The following MED14 variants were observed in gnomAD, a reference collection of about 807,000 sequenced individuals.
The protein encoded by MED14 is mediator of RNA polymerase II transcription subunit 14.
A neutral mutation model predicts 109.0 loss-of-function variants in MED14; 8 were observed. That is an observed-to-expected ratio of 0.07 (90% confidence interval 0.04 to 0.13). MED14 has a LOEUF of 0.13. MED14 is among the 10% of genes least tolerant of loss of function. The probability of loss-of-function intolerance (pLI) is 1.00; values close to 1 mark genes in which losing one functional copy is unlikely to be tolerated. For synonymous variants in MED14, 399 were observed against 408.7 expected, an observed-to-expected ratio of 0.98 and a Z score of 0.29; for missense variants, 711 against 1,142.4, an observed-to-expected ratio of 0.62 and a Z score of 5.44.
chrX:40,711,090 C>A, intron 8 of MED14, 79 bp downstream of exon 8: 1 of 1,050,817 alleles, frequency 9.5e-7, no homozygotes, highest in Non-Finnish European at 1.3e-6. Flanking sequence ...TATATTAAAT[C>A]AGATGTATGA....
chrX:40,720,164 G>A lies in MED14; in HGVS notation c.349-5454C>T, dbSNP rs377145399. ...CCAACACCAGTCACCCCCTCTCCAG[G>A]AACACGAAATTTTTACTATCTGCAC... On this transcript the variant is annotated intron_variant, in intron 3 of 30. Transcript: ENST00000324817. Among the ~76,000 whole-genome samples the A allele has an allele frequency of 9.8e-5, 11 of 112,235 alleles. No homozygotes were observed. The East Asian group carries it at 2.8e-3, about 29-fold the overall frequency.
At chrX:40,728,735 G>T (rs1476693826) in intron 2 of MED14, among the ~76,000 whole-genome samples, 1 of 111,864 alleles carries the variant, frequency 8.9e-6, no homozygotes, top group Non-Finnish European at 1.9e-5. Flanking sequence ...TGTTAACTAT[G>T]TAACAGTAGG....
In MED14 at chrX:40,666,641, G is replaced by T. The variant is rs77881112; in HGVS notation, c.3265+79C>A. 31 of 1,021,793 alleles carry T rather than the reference G, an allele frequency of 3.0e-5. No homozygotes were observed. In the East Asian group the frequency reaches 9.8e-4, roughly 32 times the overall value. 84.2% of individuals were successfully genotyped at this position (1,021,793 alleles called of 1,213,427 possible). The stretch of plus-strand genomic sequence containing the variant: ...TCCTCAATAAACAAGTATTAATTTT[G>T]CAATGAAAAAATTTACTCAACAAAA... On this transcript the variant is annotated intron_variant, in intron 24 of 30. Transcript: ENST00000324817.
intron 30 of MED14, among the ~76,000 whole-genome samples, chrX:40,653,277 T>C (rs139781186): frequency 1.5e-4 from 17 of 111,554 alleles, no homozygotes; most frequent in African/African-American, 4.9e-4. Flanking sequence ...TATTTTTAGC[T>C]GAAAGAAGAG....
At chrX:40,707,746 CA>C (rs1346321151) in intron 10 of MED14, among the ~76,000 whole-genome samples, 1 of 111,360 alleles carries the variant, frequency 9.0e-6, no homozygotes, top group Non-Finnish European at 1.9e-5. Context: ...TAATGATTGC[CA>C]AAAGGGAGGC....
At chrX:40,710,178 CT>C in intron 8 of MED14, 49 bp from the exon 9 acceptor site, 1 of 896,958 alleles carries the variant, frequency 1.1e-6, no homozygotes, top group Non-Finnish European at 1.5e-6. Flanking sequence ...AGTCTGTTAA[CT>C]TCTAGAATAA....
intron 3 of MED14, among the ~76,000 whole-genome samples, chrX:40,721,720 A>G (rs1214927542): frequency 8.9e-6 from 1 of 112,710 alleles, no homozygotes; most frequent in Non-Finnish European, 1.9e-5. Flanking sequence ...TGCTGACTTC[A>G]GGTCTGAGCT....
intron 3 of MED14, among the ~76,000 whole-genome samples, chrX:40,720,182 A>G (rs969655941): frequency 8.0e-5 from 9 of 112,486 alleles, no homozygotes; most frequent in African/African-American, 2.9e-4. Flanking sequence ...AATTTTTACT[A>G]TCTGCACACA....
intron 1 of MED14, 134 bp from the exon 2 acceptor site, chrX:40,729,479 T>A: frequency 3.7e-6 from 2 of 546,860 alleles, no homozygotes; most frequent in Non-Finnish European, 5.7e-6. Flanking sequence ...CAGGCTCATG[T>A]AGCTACCTAC....
intron 3 of MED14, among the ~76,000 whole-genome samples, chrX:40,722,044 C>T: frequency 9.0e-6 from 1 of 111,256 alleles, no homozygotes; most frequent in Non-Finnish European, 1.9e-5. Flanking sequence ...AAATACCTAA[C>T]TCTTTGAGGC....
chrX:40,651,486 G>T lies in MED14; in HGVS notation c.*320C>A. On this transcript the variant is annotated 3_prime_UTR_variant, in exon 31 of 31. Coordinates refer to ENST00000324817, the MANE Select transcript of MED14 (RefSeq NM_004229.4). ...AAGGACTATTACACCCAAAACATAA[G>T]AAAACAATTAAATAAACAAGTTTGG... 3 of 795,046 alleles carry T rather than the reference G, an allele frequency of 3.8e-6. No individual in the cohort carries two copies. Among genetic ancestry groups the T allele is most frequent in the Non-Finnish European group, 4.5e-6 (3 of 662,718 alleles). 65.5% of individuals were successfully genotyped at this position (795,046 alleles called of 1,213,427 possible).
intron 26 of MED14, among the ~76,000 whole-genome samples, chrX:40,660,805 T>C (rs1929236289): frequency 8.8e-6 from 1 of 113,251 alleles, no homozygotes; most frequent in Non-Finnish European, 1.9e-5. Context: ...TTTCTTTCTT[T>C]TGAATGCTAA....
Position 40,651,526 on chromosome X carries a change from T to G in MED14, c.*280A>C. Reference sequence around the variant, plus strand: ...AACAAGTTTGGCATTTTCATAACTTTATAGTATAAAACAGAATATTAAATT... The same window carrying G: ...AACAAGTTTGGCATTTTCATAACTTGATAGTATAAAACAGAATATTAAATT... On this transcript the variant is annotated 3_prime_UTR_variant, in exon 31 of 31. Transcript: ENST00000324817. 1.2e-6 allele frequency: 1 copy of G among 842,171 alleles called. No homozygotes were observed. The allele number at this position is 842,171 out of a possible 1,213,427, so 69.4% of individuals were successfully genotyped here. A position where few individuals can be genotyped will look rare whatever the true frequency, so the allele number is the denominator to read the frequency against.
In MED14 at chrX:40,695,709, A is replaced by C. The variant is rs192267488; in HGVS notation, c.1650+1315T>G. Among the ~76,000 whole-genome samples the C allele has an allele frequency of 6.0e-3, 676 of 112,123 alleles. 3 individuals are homozygous for C. The highest frequency in any genetic ancestry group is 9.5e-3 in the Non-Finnish European group (503 of 53,199). On this transcript the variant is annotated intron_variant, in intron 13 of 30. Transcript: ENST00000324817. The stretch of plus-strand genomic sequence containing the variant: ...AAGCAAGCTCACTGAGAACTGAAAC[A>C]ATAGTCTTTTGTAGTGGGCCAAATC...
intron 21 of MED14, among the ~76,000 whole-genome samples, chrX:40,678,214 A>G (rs1224430813): frequency 2.7e-5 from 3 of 111,814 alleles, no homozygotes; most frequent in Non-Finnish European, 3.8e-5. Flanking sequence ...GAAAGCCCAG[A>G]CTGCTATCAG....
intron 10 of MED14, 85 bp from the exon 11 acceptor site, chrX:40,703,654 C>T: frequency 1.3e-6 from 1 of 780,854 alleles, no homozygotes; most frequent in Non-Finnish European, 1.8e-6. Flanking sequence ...ACAAACAAAC[C>T]AACTATTGAA....
chrX:40,662,862 G>A (rs939535718), intron 26 of MED14, 63 bp downstream of exon 26: 2 of 864,734 alleles, frequency 2.3e-6, no homozygotes, highest in Admixed American at 2.7e-5. Context: ...ATCCTATCCT[G>A]CAGGACAATT....
At chrX:40,658,205 C>A (rs1368330772) in intron 28 of MED14, among the ~76,000 whole-genome samples, 8 of 110,898 alleles carry the variant, frequency 7.2e-5, no homozygotes, top group African/African-American at 2.3e-4. Flanking sequence ...ATTTTTCTGC[C>A]TCAGCCTCCC....
chrX:40,671,777 T>G lies in MED14; in HGVS notation c.3133+84A>C, dbSNP rs115344788. 25 of 547,772 alleles carry G rather than the reference T, an allele frequency of 4.6e-5. No individual in the cohort carries two copies. In the African/African-American group the frequency reaches 5.4e-4, roughly 12 times the overall value. 45.1% of individuals were successfully genotyped at this position (547,772 alleles called of 1,213,427 possible). Reference sequence around the variant, plus strand: ...ATTCTCTCTGAAGCCTGAGACTAGATGCACAGTGCTTCTCAATGTGGGGTG... The same window carrying G: ...ATTCTCTCTGAAGCCTGAGACTAGAGGCACAGTGCTTCTCAATGTGGGGTG... On this transcript the variant is annotated intron_variant, in intron 23 of 30. Coordinates refer to ENST00000324817, the MANE Select transcript of MED14 (RefSeq NM_004229.4).
Sources: gnomAD v4.1 joint callset for allele counts (sites outside exome capture counted in the v4.1 genomes callset) on GRCh38, gnomAD v4.1.1 for gene constraint, MANE v1.5 for transcripts, NCBI Gene and HGNC (gene_info 2026-07-23, HGNC 2026-07-21) for gene names.